The following NUP62 variants were observed in gnomAD, a reference collection of about 807,000 sequenced individuals.
NUP62 encodes the protein nucleoporin 62, also known as nuclear pore glycoprotein p62.
For synonymous variants in NUP62, 305 were observed against 303.4 expected, an observed-to-expected ratio of 1.01 and a Z score of -0.05; for missense variants, 647 against 689.4, an observed-to-expected ratio of 0.94 and a Z score of 0.69.
At chr19:49,914,730 T>TTTG (rs2075577957) in intron 2 of NUP62, among the ~76,000 whole-genome samples, 1 of 94,688 alleles carries the variant, frequency 1.1e-5, no homozygotes, top group Non-Finnish European at 2.1e-5. Context: ...GTCCCAGTTT[T>TTTG]TTTTTTTTTT....
At chr19:49,915,757 G>A (rs1182146554) in intron 2 of NUP62, among the ~76,000 whole-genome samples, 4 of 152,218 alleles carry the variant, frequency 2.6e-5, no homozygotes, top group Non-Finnish European at 4.4e-5. Flanking sequence ...AAAGGAAAGT[G>A]AGGTGTGATT....
At position 49,909,159 on chromosome 19, in the gene NUP62, T is replaced by A. The variant is rs1202265242; in HGVS notation, c.649A>T (p.Thr217Ser). Residue 217 changes from threonine (T) to serine (S), a missense_variant, in exon 3 of 3, where the codon ACT (threonine) becomes TCT (serine). Coordinates refer to ENST00000352066, the MANE Select transcript of NUP62 (RefSeq NM_016553.5). Reference sequence around the variant, plus strand: ...ATTGACGCAAAGAGGCTGGGCCCAGTGCTGGTGATGGTGGCTGTGGGTGTG... The same window carrying A: ...ATTGACGCAAAGAGGCTGGGCCCAGAGCTGGTGATGGTGGCTGTGGGTGTG... Reference protein sequence around the residue: ...APTPTATITSTGPSLFASIAT... With the variant: ...APTPTATITSSGPSLFASIAT... 1.2e-6 allele frequency: 2 copies of A among 1,613,208 alleles called. No homozygotes were observed. Among genetic ancestry groups the A allele is most frequent in the South Asian group, 2.2e-5 (2 of 91,076 alleles).
intron 2 of NUP62, among the ~76,000 whole-genome samples, chr19:49,926,208 C>CAA (rs33981121): frequency 0.2 from 8,357 of 42,166 alleles, 1,131 homozygotes; most frequent in Non-Finnish European, 0.25. Context: ...GACTCTGTCT[C>CAA]AAAAAAAAAA....
chr19:49,922,444 A>G (rs982445633), intron 2 of NUP62, among the ~76,000 whole-genome samples: 1 of 151,754 alleles, frequency 6.6e-6, no homozygotes, highest in Non-Finnish European at 1.5e-5. Flanking sequence ...CCTCCTTCAC[A>G]TGGGACCGGG....
chr19:49,912,602 G>A (rs571768883), intron 2 of NUP62, among the ~76,000 whole-genome samples: 3 of 152,258 alleles, frequency 2.0e-5, no homozygotes, highest in South Asian at 2.1e-4. Context: ...GGTGGCTCAC[G>A]CCTGTAATCC....
chr19:49,909,199 TGTGGCACCTGCTGTG>T lies in NUP62; in HGVS notation c.594_608del (p.Thr199_Thr203del). ...CTGTGGGTGTGGGAGCAGCTGGCTG[TGTGGCACCTGCTGTG>T]GTGGCTGCTGGCGTGGCCGGAGTGA... On this transcript the variant is annotated inframe_deletion, in exon 3 of 3. Transcript: ENST00000352066. The T allele has an allele frequency of 6.2e-7, 1 of 1,614,030 alleles. No homozygotes were observed. Among genetic ancestry groups the T allele is most frequent in the Non-Finnish European group, 8.5e-7 (1 of 1,180,002 alleles).
chr19:49,927,509 C>T (rs1417226861), intron 2 of NUP62, among the ~76,000 whole-genome samples, 185 bp downstream of exon 2: 2 of 152,210 alleles, frequency 1.3e-5, no homozygotes, highest in Non-Finnish European at 2.9e-5. Context: ...TCAGTCTATG[C>T]TCTTAGCTGC....
intron 2 of NUP62, among the ~76,000 whole-genome samples, chr19:49,922,257 C>T (rs913663803): frequency 6.6e-6 from 1 of 152,202 alleles, no homozygotes; most frequent in Admixed American, 6.5e-5. Context: ...CCTGCGAGTC[C>T]CTGTGGGGGA....
rs2075365376 is a variant in NUP62, at chr19:49,908,180, CAG to C, written c.*57_*58del. The C allele has an allele frequency of 6.3e-7, 1 of 1,593,792 alleles. No individual in the cohort carries two copies. The highest frequency in any genetic ancestry group is 2.3e-5 in the East Asian group (1 of 44,434). On this transcript the variant is annotated 3_prime_UTR_variant, in exon 3 of 3. Transcript: ENST00000352066. Reference sequence around the variant, plus strand: ...TGCCACAACCCCAAACTACAGACAACAGGGCGCATTCCCCTCATGAACTCCCT... The same window carrying C: ...TGCCACAACCCCAAACTACAGACAACGGCGCATTCCCCTCATGAACTCCCT...
chr19:49,923,576 G>T (rs71353347), intron 2 of NUP62, among the ~76,000 whole-genome samples: 24,050 of 152,208 alleles, frequency 0.16, 2,446 homozygotes, highest in Non-Finnish European at 0.23. Flanking sequence ...GCAGCCGCCG[G>T]CTTCACTGAT....
At chr19:49,916,938 C>T (rs993250368) in intron 2 of NUP62, among the ~76,000 whole-genome samples, 1 of 152,208 alleles carries the variant, frequency 6.6e-6, no homozygotes, top group Non-Finnish European at 1.5e-5. Flanking sequence ...TAAAAAAGTT[C>T]TGGGAGGCAC....
At chr19:49,929,251 C>T (rs2076002408) in intron 1 of NUP62, 75 bp downstream of exon 1, 1 of 153,616 alleles carries the variant, frequency 6.5e-6, no homozygotes, top group African/African-American at 2.4e-5. Context: ...AGTGTCGCCG[C>T]CTCTGCCTGC....
intron 2 of NUP62, among the ~76,000 whole-genome samples, chr19:49,916,310 T>A (rs1302292692): frequency 6.6e-6 from 1 of 151,020 alleles, no homozygotes; most frequent in Non-Finnish European, 1.5e-5. Context: ...TCACCTGAGG[T>A]CAGGAGTTCG....
At chr19:49,911,845 G>A (rs1447438529) in intron 2 of NUP62, among the ~76,000 whole-genome samples, 1 of 152,180 alleles carries the variant, frequency 6.6e-6, no homozygotes, top group Non-Finnish European at 1.5e-5. Context: ...GTCTCTTCAA[G>A]AGGCCACGGC....
intron 2 of NUP62, among the ~76,000 whole-genome samples, chr19:49,926,523 C>T (rs533764366): frequency 6.9e-6 from 1 of 145,910 alleles, no homozygotes. Flanking sequence ...CAGCAAGACT[C>T]TGTCTCAAAA....
intron 2 of NUP62, among the ~76,000 whole-genome samples, chr19:49,910,246 CT>C (rs1353028846): frequency 6.6e-6 from 1 of 152,092 alleles, no homozygotes. Flanking sequence ...GTAGGACCTG[CT>C]CCCAGCGTGG....
intron 2 of NUP62, among the ~76,000 whole-genome samples, chr19:49,919,450 G>A (rs1302097377): frequency 5.9e-5 from 9 of 152,266 alleles, no homozygotes; most frequent in Non-Finnish European, 1.0e-4. Context: ...CTCCTCACCC[G>A]GGTAGATGAG....
At chr19:49,910,388 T>G (rs1014843129) in intron 2 of NUP62, among the ~76,000 whole-genome samples, 61 of 152,122 alleles carry the variant, frequency 4.0e-4, no homozygotes, top group Admixed American at 1.2e-3. Flanking sequence ...GGGTCTGGGT[T>G]GCTGAAGGCC....
intron 2 of NUP62, among the ~76,000 whole-genome samples, chr19:49,920,732 T>C (rs1052974527): frequency 6.6e-6 from 1 of 152,144 alleles, no homozygotes; most frequent in African/African-American, 2.4e-5. Context: ...AGCCTAGAGC[T>C]GAAACGCTCT....
Sources: allele counts gnomAD v4.1 joint callset (sites outside exome capture counted in the v4.1 genomes callset), GRCh38; gene constraint gnomAD v4.1.1; transcripts MANE v1.5; gene names NCBI Gene and HGNC (gene_info 2026-07-23, HGNC 2026-07-21).